Variants in DNMBP observed in about 807,000 individuals in gnomAD.
DNMBP encodes the protein dynamin-binding protein.
DNMBP carries 87 observed loss-of-function variants against 150.0 expected under a neutral mutation model. The ratio of observed to expected loss-of-function variants is 0.58; its 90% CI spans 0.49 to 0.69. The LOEUF (loss-of-function observed/expected upper bound fraction) is 0.69. Among genes scored for constraint, DNMBP ranks in the 30% least tolerant of loss-of-function variants. DNMBP has a pLI of 0.00. For missense variants in DNMBP, 1,774 were observed against 1,949.0 expected (o/e 0.91, Z 1.69); for synonymous variants, 711 against 750.4 (o/e 0.95, Z 0.86).
chr10:99,973,589 G>C (rs1052180771), intron 1 of DNMBP, among the ~76,000 whole-genome samples: 1 of 152,180 alleles, frequency 6.6e-6, no homozygotes, highest in Admixed American at 6.5e-5. Flanking sequence ...AACTCAAACT[G>C]AGGGCATTCT....
chr10:99,909,281 C>T (rs747708041), intron 4 of DNMBP, 135 bp from the exon 5 acceptor site: 3 of 688,530 alleles, frequency 4.4e-6, no homozygotes, highest in Non-Finnish European at 7.2e-6. Flanking sequence ...TCAGATCGCA[C>T]ATGTCAGTTG....
intron 4 of DNMBP, among the ~76,000 whole-genome samples, chr10:99,920,479 A>C (rs2040011671): frequency 6.6e-6 from 1 of 151,952 alleles, no homozygotes; most frequent in South Asian, 2.1e-4. Context: ...ACTTTTGGGG[A>C]TATATGTGGA....
At position 99,877,325 on chromosome 10, in the gene DNMBP, A is replaced by G. The variant is rs1244460106; in HGVS notation, c.4560T>C (p.Ala1520=). 8.7e-6 allele frequency: 14 copies of G among 1,611,970 alleles called. No individual in the cohort carries two copies. Among genetic ancestry groups the G allele is most frequent in the African/African-American group, 1.3e-5 (1 of 74,804 alleles). ...SEAEGNQVYF[A]VYTFKARNPN... ...GGTTTCGTGCCTTGAAGGTGTAGACAGCAAAATAGACCTGTGTGAGGGAGA... is the reference window on the plus strand; with the variant it reads ...GGTTTCGTGCCTTGAAGGTGTAGACGGCAAAATAGACCTGTGTGAGGGAGA... The change falls in exon 17 of 17, where the codon GCT becomes GCC. Residue 1520 remains alanine (A), a synonymous_variant. Coordinates refer to ENST00000324109, the MANE Select transcript of DNMBP (RefSeq NM_015221.4).
intron 1 of DNMBP, among the ~76,000 whole-genome samples, chr10:100,009,121 G>T (rs1425726732): frequency 6.6e-6 from 1 of 152,208 alleles, no homozygotes. Context: ...AAATGAGACA[G>T]GCAGTAATAA....
chr10:99,892,141 C>T (rs1245645352), intron 11 of DNMBP, among the ~76,000 whole-genome samples: 4 of 140,814 alleles, frequency 2.8e-5, no homozygotes, highest in Non-Finnish European at 6.2e-5. Context: ...GCCCCTCTGC[C>T]CGGCCAGCCG....
rs1489416663 is a variant in DNMBP at position 99,964,003 on chromosome 10, G to A, written c.268+5112C>T. On this transcript the variant is annotated intron_variant, in intron 3 of 16. Coordinates refer to ENST00000324109, the MANE Select transcript of DNMBP (RefSeq NM_015221.4). ...TATTTTTTATTGGCCTGTTGTTTGAGGGGGCAGGTTATAGGCAAGGGATGA... is the reference window on the plus strand; with the variant it reads ...TATTTTTTATTGGCCTGTTGTTTGAAGGGGCAGGTTATAGGCAAGGGATGA... Among the ~76,000 whole-genome samples the A allele has an allele frequency of 4.6e-5, 7 of 152,188 alleles. 1 individual carries two copies. Among genetic ancestry groups the A allele is most frequent in the Admixed American group, 4.6e-4 (7 of 15,280 alleles).
intron 1 of DNMBP, among the ~76,000 whole-genome samples, chr10:99,982,702 C>T (rs1433263494): frequency 1.3e-5 from 2 of 152,080 alleles, no homozygotes; most frequent in Non-Finnish European, 2.9e-5. Flanking sequence ...CCTGTAATCC[C>T]AGCACTTTGG....
intron 3 of DNMBP, among the ~76,000 whole-genome samples, chr10:99,962,134 A>G (rs1327569829): frequency 6.6e-6 from 1 of 152,172 alleles, no homozygotes; most frequent in Non-Finnish European, 1.5e-5. Context: ...ATTATTGTCT[A>G]TATCATGAAT....
At chr10:99,913,397 G>A (rs758944570) in intron 4 of DNMBP, among the ~76,000 whole-genome samples, 2 of 152,100 alleles carry the variant, frequency 1.3e-5, no homozygotes, top group Non-Finnish European at 2.9e-5. Context: ...CAATGGGCCC[G>A]AATATGCCAT....
At chr10:99,957,802 C>T (rs1199260447) in intron 3 of DNMBP, 1 of 152,946 alleles carries the variant, frequency 6.5e-6, no homozygotes, top group Non-Finnish European at 1.5e-5. Context: ...CACCACTACG[C>T]TCCAGTCTGG....
At chr10:99,928,737 A>C (rs2040110535) in intron 4 of DNMBP, among the ~76,000 whole-genome samples, 1 of 152,174 alleles carries the variant, frequency 6.6e-6, no homozygotes, top group Non-Finnish European at 1.5e-5. Context: ...CTCATCATTC[A>C]CTTAAGATTC....
rs563295456 is a variant in DNMBP, at chr10:99,891,360, A to G, written c.3157-2407T>C. Among the ~76,000 whole-genome samples, 5 of 151,314 alleles carry G rather than the reference A, an allele frequency of 3.3e-5. No homozygotes were observed. In the South Asian group the frequency reaches 6.3e-4, roughly 19 times the overall value. Reference sequence around the variant, plus strand: ...CACCACGCCTGACTGGTTTTGGTGGAGACGGGGTTTCGCTGTGTTGGCCAG... The same window carrying G: ...CACCACGCCTGACTGGTTTTGGTGGGGACGGGGTTTCGCTGTGTTGGCCAG... On this transcript the variant is annotated intron_variant, in intron 11 of 16. Transcript: ENST00000324109.
chr10:100,000,852 GTTA>G (rs2040999662), intron 1 of DNMBP, among the ~76,000 whole-genome samples: 1 of 102,074 alleles, frequency 9.8e-6, no homozygotes, highest in Non-Finnish European at 1.8e-5. Flanking sequence ...AGTGACACCT[GTTA>G]TGGCAAAAAA....
intron 4 of DNMBP, among the ~76,000 whole-genome samples, chr10:99,937,878 A>G (rs113619269): frequency 1.7e-3 from 266 of 152,372 alleles, no homozygotes; most frequent in African/African-American, 5.4e-3. Flanking sequence ...AGCTTTCACC[A>G]CAAGTTAAAA....
intron 6 of DNMBP, among the ~76,000 whole-genome samples, chr10:99,901,850 C>A (rs1392807319): frequency 6.6e-6 from 1 of 152,178 alleles, no homozygotes; most frequent in Non-Finnish European, 1.5e-5. Flanking sequence ...TGTGGACTCA[C>A]CTCTGTTCTC....
intron 1 of DNMBP, among the ~76,000 whole-genome samples, chr10:99,983,217 C>T (rs531440808): frequency 2.6e-5 from 4 of 152,142 alleles, no homozygotes; most frequent in South Asian, 2.1e-4. Flanking sequence ...CTTTTGGGAA[C>T]GAGAATCCAT....
At chr10:99,942,161 C>T (rs1195726380) in intron 4 of DNMBP, among the ~76,000 whole-genome samples, 1 of 152,160 alleles carries the variant, frequency 6.6e-6, no homozygotes, top group Non-Finnish European at 1.5e-5. Context: ...ATGCCTCCCA[C>T]CCCCAGAAAT....
rs1400843414 is a variant in DNMBP, at chr10:99,956,006, C to T, written c.1468G>A (p.Val490Ile). 2 of 1,614,058 alleles carry T rather than the reference C, an allele frequency of 1.2e-6. No homozygotes were observed. The highest frequency in any genetic ancestry group is 1.7e-6 in the Non-Finnish European group (2 of 1,180,048). ...TGAGGACTTGATTGTCTGGGTTTGACTACCCTTGAAGCTGAAACAGAAGAG... is the reference window on the plus strand; with the variant it reads ...TGAGGACTTGATTGTCTGGGTTTGATTACCCTTGAAGCTGAAACAGAAGAG... ...RGSSVSASRV[V>I]KPRQSSPQLH... Residue 490 changes from valine to isoleucine, a missense_variant, in exon 4 of 17, where the codon GTC becomes ATC. Physicochemically the swap from Val to Ile is conservative, Grantham distance 29 (BLOSUM62 3). Around this residue, in one of 2 missense-constraint regions of DNMBP, gnomAD observed 1,430 missense variants for 1,492.5 expected, o/e 0.96. Coordinates refer to ENST00000324109, the MANE Select transcript of DNMBP (RefSeq NM_015221.4).
rs1035619789 is a variant in DNMBP, at chr10:99,956,748, C to T, written c.726G>A (p.Glu242=). Reference sequence around the variant, plus strand: ...GGGCGACCCCATAGGTCCCTGGCTCCTCCTCATCCTCATCCGGCCCTATCT... The same window carrying T: ...GGGCGACCCCATAGGTCCCTGGCTCTTCCTCATCCTCATCCGGCCCTATCT... ...EEEIGPDEDE[E]EPGTYGVALY... Residue 242 remains glutamate (E), a synonymous_variant, in exon 4 of 17, where the codon GAG becomes GAA. Coordinates refer to ENST00000324109, the MANE Select transcript of DNMBP (RefSeq NM_015221.4). 8.7e-6 allele frequency: 14 copies of T among 1,614,162 alleles called. No homozygotes were observed. The highest frequency in any genetic ancestry group is 1.2e-5 in the Non-Finnish European group (14 of 1,180,034).
Sources: gnomAD v4.1 joint callset for allele counts (sites outside exome capture counted in the v4.1 genomes callset) on GRCh38, gnomAD v4.1.1 for gene constraint, gnomAD v4.1.1 regional missense constraint, MANE v1.5 for transcripts, NCBI Gene and HGNC (gene_info 2026-07-23, HGNC 2026-07-21) for gene names.